PLA2G4D: variants seen among roughly 807,000 people sequenced by gnomAD.
PLA2G4D encodes cytosolic phospholipase A2 delta.
A neutral mutation model predicts 94.4 loss-of-function variants in PLA2G4D; 80 were observed. The ratio of observed to expected loss-of-function variants is 0.85; its 90% confidence interval spans 0.71 to 1.02. PLA2G4D has a LOEUF of 1.02. Ranked by LOEUF, PLA2G4D falls within the 50% of genes least tolerant of loss-of-function variation. PLA2G4D has a pLI of 0.00. For missense variants in PLA2G4D, 1,050 were observed against 1,034.7 expected (o/e 1.01, Z -0.20); for synonymous variants, 438 against 440.9 (o/e 0.99, Z 0.08).
chr15:42,085,016 G>A, intron 6 of PLA2G4D, 80 bp downstream of exon 6: 5 of 1,515,028 alleles, frequency 3.3e-6, no homozygotes, highest in Non-Finnish European at 4.6e-6. Flanking sequence ...GTCCCTGCTG[G>A]TCCACACCCC....
At position 42,071,459 on chromosome 15, in the gene PLA2G4D, T is replaced by C; in HGVS notation, c.1666A>G (p.Lys556Glu). 1 of 1,613,280 alleles carries C rather than the reference T, an allele frequency of 6.2e-7. No homozygotes were observed. Among genetic ancestry groups the C allele is most frequent in the Admixed American group, 1.7e-5 (1 of 59,920 alleles). The change falls in exon 16 of 20, where the codon AAG (lysine) becomes GAG (glutamate). Residue 556 changes from lysine (K) to glutamate (E), a missense_variant. Coordinates refer to ENST00000290472, the MANE Select transcript of PLA2G4D (RefSeq NM_178034.4). ...CCCTTCCCACCTAAGCTCCTGGTCT[T>C]GTCCTTGATGTGCTGTTTCCAGGAC... ...GESWKQHIKD[K>E]TRSLEKEPLT...
intron 1 of PLA2G4D, among the ~76,000 whole-genome samples, chr15:42,088,841 G>A (rs1890200399): frequency 6.6e-6 from 1 of 152,228 alleles, no homozygotes. Flanking sequence ...GGGAGCCCCA[G>A]CCAGGAGGGG....
At chr15:42,085,227 G>C in intron 5 of PLA2G4D, 89 bp from the exon 6 acceptor site, 1 of 1,466,922 alleles carries the variant, frequency 6.8e-7, no homozygotes, top group African/African-American at 1.4e-5. Flanking sequence ...TGATGCTGAG[G>C]GCTCTGTAAG....
Position 42,080,987 on chromosome 15 carries a change from G to A in PLA2G4D, c.1094+10C>T. On this transcript the variant is annotated intron_variant, in intron 12 of 19. Transcript: ENST00000290472. ...ATTGTCTCTGCCACCCAGTCCCCCA[G>A]GATCCTCACCACGTAGAGCCAGAGA... is the stretch of plus-strand genomic sequence containing the variant. 2 of 1,612,968 alleles carry A rather than the reference G, an allele frequency of 1.2e-6. No homozygotes were observed. Among genetic ancestry groups the A allele is most frequent in the African/African-American group, 2.7e-5 (2 of 74,964 alleles).
At position 42,070,850 on chromosome 15, in the gene PLA2G4D, G is replaced by A. The variant is rs775265815; in HGVS notation, c.1910C>T (p.Thr637Ile). Residue 637 changes from threonine (T) to isoleucine (I), a missense_variant, in exon 18 of 20, where the codon ACC (threonine) becomes ATC (isoleucine). By Grantham distance (89) the Thr-to-Ile change is moderately conservative (BLOSUM62 -1). Coordinates refer to ENST00000290472, the MANE Select transcript of PLA2G4D (RefSeq NM_178034.4). ...CAGGCAGAGCCGGGGCTCCTTGGGG[G>A]TCAGCTGGCTGGGCATGGAGTCAAG... ...YQLDSMPSQL[T>I]PKEPRLCLVD... 1.9e-6 allele frequency: 3 copies of A among 1,611,886 alleles called. No homozygotes were observed. The highest frequency in any genetic ancestry group is 2.7e-5 in the African/African-American group (2 of 74,898).
rs141030020 is a variant in PLA2G4D, at chr15:42,085,340, A to C, written c.428+151T>G. 2.7e-4 allele frequency: 283 copies of C among 1,055,148 alleles called. 3 individuals carry two copies. In the Middle Eastern group the frequency reaches 7.4e-3, roughly 28 times the overall value. 65.4% of individuals were successfully genotyped at this position (1,055,148 alleles called of 1,614,324 possible). On this transcript the variant is annotated intron_variant, in intron 5 of 19. Coordinates refer to ENST00000290472, the MANE Select transcript of PLA2G4D (RefSeq NM_178034.4). ...TCGGCCTTCCTCTCTGTGTTTCCCT[A>C]AGAGAAGCCCCGCCCCACTCCCGAC...
At chr15:42,070,358 A>T (rs1371746859) in intron 18 of PLA2G4D, 1 of 512,306 alleles carries the variant, frequency 2.0e-6, no homozygotes, top group Admixed American at 3.8e-5. Context: ...CTGGATTGCT[A>T]TTGCTGGACT....
chr15:42,082,828 G>T (rs546303140), intron 8 of PLA2G4D, among the ~76,000 whole-genome samples: 2 of 152,262 alleles, frequency 1.3e-5, no homozygotes, highest in Non-Finnish European at 1.5e-5. Context: ...TGGCATATTG[G>T]AAATGAGAGA....
Position 42,079,703 on chromosome 15 carries a change from G to C in PLA2G4D, c.1151C>G (p.Pro384Arg). The C allele has an allele frequency of 6.2e-7, 1 of 1,608,070 alleles. No individual in the cohort carries two copies. Among genetic ancestry groups the C allele is most frequent in the African/African-American group, 1.3e-5 (1 of 74,458 alleles). The stretch of plus-strand genomic sequence containing the variant: ...CAGGTGCTCCCGGGCGTATCTGATA[G>C]GTCCCTCCAGGTCCCTCTGCGACCA... ...PEWSQRDLEGPIRYAREHLAK... is the reference protein window; with the variant it reads ...PEWSQRDLEGRIRYAREHLAK... Residue 384 changes from proline (P) to arginine (R), a missense_variant, in exon 13 of 20, where the codon CCT (proline) becomes CGT (arginine). By Grantham distance (103) the Pro-to-Arg change is moderately radical (BLOSUM62 -2). Transcript: ENST00000290472.
chr15:42,090,197 A>ATAT (rs1384618505), intron 1 of PLA2G4D, among the ~76,000 whole-genome samples: 1 of 152,182 alleles, frequency 6.6e-6, no homozygotes, highest in Non-Finnish European at 1.5e-5. Context: ...TGTAGTGGAA[A>ATAT]TAATAGTTTT....
At position 42,071,128 on chromosome 15, in the gene PLA2G4D, C is replaced by A; in HGVS notation, c.1871G>T (p.Trp624Leu). The change falls in exon 17 of 20, where the codon TGG becomes TTG. Residue 624 changes from tryptophan (W) to leucine (L), a missense_variant. Trp to Leu is a moderately conservative substitution (Grantham distance 61). Transcript: ENST00000290472. ...CCCCTGGCCACGGCCCTGACCTGCC[C>A]AGGTGGAGAAGTCTTTGTGGCTACA... is the stretch of plus-strand genomic sequence containing the variant. ...DYCSHKDFST[W>L]ADYQLDSMPS... 6 of 1,610,356 alleles carry A rather than the reference C, an allele frequency of 3.7e-6. No homozygotes were observed. The highest frequency in any genetic ancestry group is 5.1e-6 in the Non-Finnish European group (6 of 1,178,914).
rs183831142 is a variant in PLA2G4D at position 42,069,660 on chromosome 15, C to T, written c.2230+249G>A. Among the ~76,000 whole-genome samples the T allele has an allele frequency of 3.6e-3, 545 of 152,122 alleles. 2 individuals carry two copies. Among genetic ancestry groups the T allele is most frequent in the Middle Eastern group, 0.017 (5 of 292 alleles). ...TGGGGGTACTAGGGCAAGTGGAAGG[C>T]TGCAGGAGCCCGGCATCATGACAAA... On this transcript the variant is annotated intron_variant, in intron 19 of 19. Coordinates refer to ENST00000290472, the MANE Select transcript of PLA2G4D (RefSeq NM_178034.4).
rs116169782 is a variant in PLA2G4D, at chr15:42,073,554, C to T, written c.1318-1162G>A. On this transcript the variant is annotated intron_variant, in intron 13 of 19. Coordinates refer to ENST00000290472, the MANE Select transcript of PLA2G4D (RefSeq NM_178034.4). ...CTGGGCAGTATGTGTACCATGAATA[C>T]GTCATCCTTCCTTTGGGCTCTCCAA... Among the ~76,000 whole-genome samples the T allele has an allele frequency of 3.7e-3, 556 of 152,316 alleles. 2 individuals are homozygous for T. The highest frequency in any genetic ancestry group is 0.013 in the African/African-American group (520 of 41,578).
chr15:42,068,533 C>A lies in PLA2G4D; in HGVS notation c.*182G>T. 1 of 619,668 alleles carries A rather than the reference C, an allele frequency of 1.6e-6. No individual in the cohort carries two copies. The highest frequency in any genetic ancestry group is 2.8e-6 in the Non-Finnish European group (1 of 356,040). The allele number at this position is 619,668 out of a possible 1,614,324, so 38.4% of individuals were successfully genotyped here. A position where few individuals can be genotyped will look rare whatever the true frequency, so the allele number is the denominator to read the frequency against. On this transcript the variant is annotated 3_prime_UTR_variant, in exon 20 of 20. Transcript: ENST00000290472. The stretch of plus-strand genomic sequence containing the variant: ...AAGTTATTTTCAACTCATCTCAAGC[C>A]AGCCATGAACGTAAGAGAGAAGTCT...
chr15:42,083,074 T>G, intron 8 of PLA2G4D, 124 bp downstream of exon 8: 1 of 1,318,110 alleles, frequency 7.6e-7, no homozygotes, highest in Non-Finnish European at 1.0e-6. Flanking sequence ...GGTGCCTAAC[T>G]AGGGGAGGCT....
At chr15:42,087,028 T>C (rs879314096) in intron 3 of PLA2G4D, among the ~76,000 whole-genome samples, 1 of 152,280 alleles carries the variant, frequency 6.6e-6, no homozygotes, top group Middle Eastern at 3.4e-3. Context: ...AGTGACCTGA[T>C]CAGGAGGGGG....
rs374366687 is a variant in PLA2G4D, at chr15:42,070,052, G to A, written c.2087C>T (p.Pro696Leu). 2.8e-4 allele frequency: 426 copies of A among 1,521,172 alleles called. No homozygotes were observed. Among genetic ancestry groups the A allele is most frequent in the Non-Finnish European group, 3.4e-4 (391 of 1,134,626 alleles). The allele number at this position is 1,521,172 out of a possible 1,614,324, so 94.2% of individuals were successfully genotyped here. ...AGGGCTGGGTTCCACCCGGGGGAAG[G>A]GCAGCCCCCGGGCCCGGCAGTACAG... Reference protein sequence around the residue: ...TELYCRARGLPFPRVEPSPQD... With the variant: ...TELYCRARGLLFPRVEPSPQD... Residue 696 changes from proline (P) to leucine (L), a missense_variant, in exon 19 of 20, where the codon CCC becomes CTC. Coordinates refer to ENST00000290472, the MANE Select transcript of PLA2G4D (RefSeq NM_178034.4).
intron 13 of PLA2G4D, among the ~76,000 whole-genome samples, chr15:42,074,948 G>C (rs1215367240): frequency 6.6e-6 from 1 of 152,178 alleles, no homozygotes; most frequent in East Asian, 1.9e-4. Flanking sequence ...TGTTGAGACA[G>C]AGTCTCACTC....
At chr15:42,080,360 G>T (rs1317204739) in intron 12 of PLA2G4D, among the ~76,000 whole-genome samples, 1 of 152,156 alleles carries the variant, frequency 6.6e-6, no homozygotes, top group Non-Finnish European at 1.5e-5. Context: ...ATTTCAATAA[G>T]ACTCAAAGGA....
Sources: gnomAD v4.1 joint callset for allele counts (sites outside exome capture counted in the v4.1 genomes callset) on GRCh38, gnomAD v4.1.1 for gene constraint, MANE v1.5 for transcripts, NCBI Gene and HGNC (gene_info 2026-07-23, HGNC 2026-07-21) for gene names.